Variants in EPS15 observed in about 807,000 individuals in gnomAD.
EPS15 encodes the protein epidermal growth factor receptor substrate 15.
Under a neutral mutation model 113.8 loss-of-function variants are expected in EPS15, and 72 were observed. That is an observed-to-expected ratio of 0.63 (90% CI 0.52 to 0.77). The LOEUF (loss-of-function observed/expected upper bound fraction) is 0.77. Among genes scored for constraint, EPS15 ranks in the 30% least tolerant of loss-of-function variants. The pLI, the probability that EPS15 is intolerant of heterozygous loss-of-function variation, is 0.00. For missense variants in EPS15, 1,048 were observed against 1,045.8 expected, an observed-to-expected ratio of 1.00 and a Z score of -0.03; for synonymous variants, 344 against 363.4, an observed-to-expected ratio of 0.95 and a Z score of 0.61.
rs958927205 is a variant in EPS15, at chr1:51,440,280, T to TGC, written c.1040+66_1040+67insGC. 64 of 267,916 alleles carry TGC rather than the reference T, an allele frequency of 2.4e-4. No individual in the cohort carries two copies. In the African/African-American group the frequency reaches 5.5e-3, roughly 23 times the overall value. The allele number at this position is 267,916 out of a possible 1,614,324, so 16.6% of individuals were successfully genotyped here. On this transcript the variant is annotated intron_variant, in intron 12 of 24. Transcript: ENST00000371733. Reference sequence around the variant, plus strand: ...GTTGTATACATATATACATGTACTGTGTGTGTGTGTGTGTGTGTGTGTGTG... The same window carrying TGC: ...GTTGTATACATATATACATGTACTGTGCGTGTGTGTGTGTGTGTGTGTGTGTG...
At chr1:51,428,812 G>GCCC (rs201259367) in intron 12 of EPS15, among the ~76,000 whole-genome samples, 2,409 of 122,448 alleles carry the variant, frequency 0.02, 75 homozygotes, top group African/African-American at 0.07. Flanking sequence ...AGATGACAGA[G>GCCC]CAAGACTCCA....
At chr1:51,500,073 T>C (rs902789004) in intron 1 of EPS15, among the ~76,000 whole-genome samples, 1 of 152,256 alleles carries the variant, frequency 6.6e-6, no homozygotes, top group Non-Finnish European at 1.5e-5. Context: ...GCTTATTTCA[T>C]TTAGCATAAC....
chr1:51,354,656 C>T lies in EPS15; in HGVS notation c.*2044G>A, dbSNP rs1570047765. 1 of 184,384 alleles carries T rather than the reference C, an allele frequency of 5.4e-6. No homozygotes were observed. The highest frequency in any genetic ancestry group is 2.4e-5 in the African/African-American group (1 of 42,512). The allele number at this position is 184,384 out of a possible 1,614,324, so 11.4% of individuals were successfully genotyped here. The stretch of plus-strand genomic sequence containing the variant: ...CAACAACATAAAATACCACAAACGA[C>T]TCTAAGACATTCATCCTACACAAGC... On this transcript the variant is annotated 3_prime_UTR_variant, in exon 25 of 25. Coordinates refer to ENST00000371733, the MANE Select transcript of EPS15 (RefSeq NM_001981.3).
rs527366641 is a variant in EPS15 at position 51,398,916 on chromosome 1, T to C, written c.2052+116A>G. ...AATTGGGATGAGACTGAAATTCTTA[T>C]ATGGTCCATTAGAAGTAATCTAAAT... On this transcript the variant is annotated intron_variant, in intron 20 of 24. Transcript: ENST00000371733. 4.8e-5 allele frequency: 42 copies of C among 880,388 alleles called. 1 individual carries two copies. The South Asian group carries it at 7.6e-4, about 16-fold the overall frequency. The allele number at this position is 880,388 out of a possible 1,614,324, so 54.5% of individuals were successfully genotyped here. A position where few individuals can be genotyped will look rare whatever the true frequency, so the allele number is the denominator to read the frequency against.
intron 21 of EPS15, among the ~76,000 whole-genome samples, chr1:51,381,436 T>C (rs1384035192): frequency 6.6e-6 from 1 of 151,800 alleles, no homozygotes; most frequent in Non-Finnish European, 1.5e-5. Context: ...CTACTAAAAA[T>C]ACAAAAATGA....
Position 51,519,241 on chromosome 1 carries a change from A to C in EPS15, c.-10T>G, listed in dbSNP as rs764490216. 14 of 1,311,752 alleles carry C rather than the reference A, an allele frequency of 1.1e-5. No individual in the cohort carries two copies. The African/African-American group carries it at 1.4e-4, about 13-fold the overall frequency. The allele number at this position is 1,311,752 out of a possible 1,614,324, so 81.3% of individuals were successfully genotyped here. A position where few individuals can be genotyped will look rare whatever the true frequency, so the allele number is the denominator to read the frequency against. On this transcript the variant is annotated 5_prime_UTR_variant, in exon 1 of 25. An upstream start codon of the reference 5' UTR is lost. Coordinates refer to ENST00000371733, the MANE Select transcript of EPS15 (RefSeq NM_001981.3). ...GGGCCGCCGCAGCCATGGTGTTTCC[A>C]TCATGCAAGGGAGGGGAAGGAAGAC...
At chr1:51,358,672 T>G (rs565091496) in intron 24 of EPS15, among the ~76,000 whole-genome samples, 69 of 151,784 alleles carry the variant, frequency 4.5e-4, no homozygotes, top group African/African-American at 1.4e-3. Flanking sequence ...CCTCAGCTGT[T>G]GTTCAAGACT....
intron 24 of EPS15, among the ~76,000 whole-genome samples, chr1:51,357,540 A>C (rs1174541810): frequency 6.8e-6 from 1 of 146,872 alleles, no homozygotes; most frequent in Admixed American, 6.8e-5. Flanking sequence ...TTTTGACCTA[A>C]TGTAATGTAA....
At position 51,448,243 on chromosome 1, in the gene EPS15, T is replaced by C. The variant is rs529336101; in HGVS notation, c.562-108A>G. 99 of 579,214 alleles carry C rather than the reference T, an allele frequency of 1.7e-4. No homozygotes were observed. The East Asian group carries it at 1.9e-3, about 11-fold the overall frequency. 35.9% of individuals were successfully genotyped at this position (579,214 alleles called of 1,614,324 possible). A position where few individuals can be genotyped will look rare whatever the true frequency, so the allele number is the denominator to read the frequency against. ...TCATCGTCAGGCTCTCAAATCCTTTTTTAAGAAATTGGGCTGGGAGGGAAA... is the reference window on the plus strand; with the variant it reads ...TCATCGTCAGGCTCTCAAATCCTTTCTTAAGAAATTGGGCTGGGAGGGAAA... On this transcript the variant is annotated intron_variant, in intron 8 of 24. Transcript: ENST00000371733.
chr1:51,508,276 G>GAA (rs1266356735), intron 1 of EPS15, among the ~76,000 whole-genome samples: 5 of 133,770 alleles, frequency 3.7e-5, no homozygotes, highest in African/African-American at 1.7e-4. Context: ...GAGAGAGAAA[G>GAA]AGAGAAAGAG....
intron 17 of EPS15, among the ~76,000 whole-genome samples, chr1:51,403,064 C>CAT (rs1648735100): frequency 1.3e-5 from 2 of 152,146 alleles, no homozygotes; most frequent in South Asian, 4.1e-4. Flanking sequence ...GTGATAAGGA[C>CAT]ATTTTTTTAA....
At chr1:51,365,624 C>T (rs1379607242) in intron 22 of EPS15, among the ~76,000 whole-genome samples, 1 of 152,116 alleles carries the variant, frequency 6.6e-6, no homozygotes, top group Non-Finnish European at 1.5e-5. Flanking sequence ...AGATTTTACA[C>T]CTATTGACCC....
At chr1:51,519,080 CGGCCCACAAGCCAAGAAGCTGCCTGCTT>C (rs1182708181) in intron 1 of EPS15, 91 bp downstream of exon 1, 17 of 629,448 alleles carry the variant, frequency 2.7e-5, no homozygotes, top group African/African-American at 9.7e-5. Context: ...ACCGGCCGCC[CGGCCCACAAGCCAAGAAGCTGCCTGCTT>C]GGCCCACAAG....
chr1:51,361,807 G>A (rs1221837019), intron 23 of EPS15, among the ~76,000 whole-genome samples: 1 of 152,140 alleles, frequency 6.6e-6, no homozygotes, highest in Non-Finnish European at 1.5e-5. Flanking sequence ...TCTGAAAACT[G>A]GGAAAATTCT....
At chr1:51,457,060 C>A (rs1271940174) in intron 8 of EPS15, among the ~76,000 whole-genome samples, 1 of 151,992 alleles carries the variant, frequency 6.6e-6, no homozygotes, top group African/African-American at 2.4e-5. Flanking sequence ...CCGAGGCGGG[C>A]AGATCACGAG....
chr1:51,450,976 C>T (rs1418334670), intron 8 of EPS15, among the ~76,000 whole-genome samples: 1 of 151,682 alleles, frequency 6.6e-6, no homozygotes, highest in Non-Finnish European at 1.5e-5. Context: ...ATTGCCAAAA[C>T]TCATCAAATT....
At chr1:51,449,613 A>G (rs539893681) in intron 8 of EPS15, among the ~76,000 whole-genome samples, 3 of 151,508 alleles carry the variant, frequency 2.0e-5, no homozygotes, top group Non-Finnish European at 4.4e-5. Flanking sequence ...TAAAGATGCT[A>G]TATTAGGCTA....
chr1:51,438,919 G>A lies in EPS15; in HGVS notation c.1040+1428C>T, dbSNP rs190428125. ...CAAAATTAAACTATACAATCACCAC[G>A]AAGTGTTTTTTGCCCTGGTCAGATT... On this transcript the variant is annotated intron_variant, in intron 12 of 24. Coordinates refer to ENST00000371733, the MANE Select transcript of EPS15 (RefSeq NM_001981.3). 4.6e-5 allele frequency among the ~76,000 whole-genome samples: 7 copies of A among 151,752 alleles called. No homozygotes were observed. In the South Asian group the frequency reaches 1.0e-3, roughly 23 times the overall value.
chr1:51,508,224 A>AG lies in EPS15; in HGVS notation c.33+10974_33+10975insC, dbSNP rs1270196788. On this transcript the variant is annotated intron_variant, in intron 1 of 24. Coordinates refer to ENST00000371733, the MANE Select transcript of EPS15 (RefSeq NM_001981.3). ...AAAAGAAAAGAAAAGAAAAGAAAAGAAAAGAAAAGAAAAGAAAGAGAGAAA... is the reference window on the plus strand; with the variant it reads ...AAAAGAAAAGAAAAGAAAAGAAAAGAGAAAGAAAAGAAAAGAAAGAGAGAAA... Among the ~76,000 whole-genome samples the AG allele has an allele frequency of 3.6e-3, 417 of 114,384 alleles. 1 individual carries two copies. Among genetic ancestry groups the AG allele is most frequent in the African/African-American group, 6.6e-3 (197 of 29,960 alleles). 75.0% of individuals were successfully genotyped at this position (114,384 alleles called of 152,430 possible).
Sources: gnomAD v4.1 joint callset for allele counts (sites outside exome capture counted in the v4.1 genomes callset) on GRCh38, gnomAD v4.1.1 for gene constraint, MANE v1.5 for transcripts, NCBI Gene and HGNC (gene_info 2026-07-23, HGNC 2026-07-21) for gene names.